The following CUEDC2 variants were observed in gnomAD, a reference collection of about 807,000 sequenced individuals.
The protein encoded by CUEDC2 is CUE domain-containing protein 2.
Under a neutral mutation model 36.0 loss-of-function variants are expected in CUEDC2, and 10 were observed. That is an observed-to-expected ratio of 0.28 (90% CI 0.17 to 0.47). The LOEUF (loss-of-function observed/expected upper bound fraction) is 0.47. Ranked by LOEUF, CUEDC2 falls within the 20% of genes least tolerant of loss-of-function variation. CUEDC2 has a pLI of 0.99. For missense variants in CUEDC2, 269 were observed against 368.1 expected (o/e 0.73, Z 2.20); for synonymous variants, 133 against 141.8 (o/e 0.94, Z 0.44).
At chr10:102,432,117 A>T (rs1203060564) in intron 1 of CUEDC2, among the ~76,000 whole-genome samples, 1 of 152,174 alleles carries the variant, frequency 6.6e-6, no homozygotes, top group African/African-American at 2.4e-5. Flanking sequence ...TTGTCCTCTG[A>T]TACCCAAGTC....
At position 102,424,074 on chromosome 10, in the gene CUEDC2, C is replaced by T; in HGVS notation, c.516G>A (p.Arg172=). 1 of 1,614,162 alleles carries T rather than the reference C, an allele frequency of 6.2e-7. No individual in the cohort carries two copies. Residue 172 remains arginine, a synonymous_variant, in exon 6 of 9, where the codon CGG becomes CGA. Coordinates refer to ENST00000369937, the MANE Select transcript of CUEDC2 (RefSeq NM_024040.3). This position sits in a 1 kb window ranked among gnomAD's most constrained non-coding sequence, Gnocchi z 4.2. ...EQAQWVLAKA[R]GDLEEAVQML... ...TCTGCACAGCTTCTTCCAAGTCCCC[C>T]CGAGCTTTGGCCAGCACCCACTGGG...
In CUEDC2 at chr10:102,423,879, G is replaced by T. The variant is rs746980427; in HGVS notation, c.595-20C>A. On this transcript the variant is annotated intron_variant, in intron 6 of 8. Transcript: ENST00000369937. This position sits in a 1 kb window ranked among gnomAD's most constrained non-coding sequence, Gnocchi z 5.6. ...CAGGTCCTGCAGAGAGGGGAGGCCTGGTCTAGGCCCAAGGGCACCAGCAGG... is the reference window on the plus strand; with the variant it reads ...CAGGTCCTGCAGAGAGGGGAGGCCTTGTCTAGGCCCAAGGGCACCAGCAGG... 8 of 1,608,870 alleles carry T rather than the reference G, an allele frequency of 5.0e-6. No homozygotes were observed. Among genetic ancestry groups the T allele is most frequent in the Non-Finnish European group, 6.8e-6 (8 of 1,177,650 alleles).
rs772046834 is a variant in CUEDC2, at chr10:102,423,745, C to G, written c.657-28G>C. 1 of 1,614,122 alleles carries G rather than the reference C, an allele frequency of 6.2e-7. No homozygotes were observed. Among genetic ancestry groups the G allele is most frequent in the Non-Finnish European group, 8.5e-7 (1 of 1,179,982 alleles). On this transcript the variant is annotated intron_variant, in intron 7 of 8. Coordinates refer to ENST00000369937, the MANE Select transcript of CUEDC2 (RefSeq NM_024040.3). This position sits in a 1 kb window ranked among gnomAD's most constrained non-coding sequence, Gnocchi z 5.6. ...GTCAAAAACTGGCTGGGTGAAGCTC[C>G]TGTCACCCTGGGAAGACCCTCTAGG...
intron 1 of CUEDC2, among the ~76,000 whole-genome samples, chr10:102,426,594 C>A (rs2061597465): frequency 6.6e-6 from 1 of 152,104 alleles, no homozygotes; most frequent in Admixed American, 6.6e-5. Flanking sequence ...TCTCCCTATC[C>A]TGAGTCTGGC....
At chr10:102,430,581 A>G (rs1052376841) in intron 1 of CUEDC2, among the ~76,000 whole-genome samples, 3 of 152,212 alleles carry the variant, frequency 2.0e-5, no homozygotes, top group African/African-American at 7.2e-5. Flanking sequence ...ACTGTCCCCA[A>G]ATAAAAAGAC....
intron 1 of CUEDC2, among the ~76,000 whole-genome samples, chr10:102,426,290 T>C (rs566587858): frequency 6.6e-6 from 1 of 152,158 alleles, no homozygotes; most frequent in Non-Finnish European, 1.5e-5. Flanking sequence ...CAGGAGCATA[T>C]GGGTGGTAAT....
At position 102,424,618 on chromosome 10, in the gene CUEDC2, C is replaced by A. The variant is rs998159680; in HGVS notation, c.218+31G>T. ...TGCCCACCCCATAATCAGCCAGCCC[C>A]TTCCTCCTCCTGGCCCTAGCCAGAA... On this transcript the variant is annotated intron_variant, in intron 3 of 8. Transcript: ENST00000369937. This position sits in a 1 kb window ranked among gnomAD's most constrained non-coding sequence, Gnocchi z 4.2. 4 of 1,614,220 alleles carry A rather than the reference C, an allele frequency of 2.5e-6. No individual in the cohort carries two copies. Among genetic ancestry groups the A allele is most frequent in the Non-Finnish European group, 3.4e-6 (4 of 1,180,016 alleles).
At position 102,424,943 on chromosome 10, in the gene CUEDC2, C is replaced by G; in HGVS notation, c.75-151G>C. The G allele has an allele frequency of 2.0e-6, 2 of 1,018,096 alleles. No individual in the cohort carries two copies. The highest frequency in any genetic ancestry group is 2.9e-6 in the Non-Finnish European group (2 of 694,004). The allele number at this position is 1,018,096 out of a possible 1,614,324, so 63.1% of individuals were successfully genotyped here. ...GAGAGTATAACCCCCTCCCTCAGAGCTATGGTTTCCCATCTGCCCAACAAA... is the reference window on the plus strand; with the variant it reads ...GAGAGTATAACCCCCTCCCTCAGAGGTATGGTTTCCCATCTGCCCAACAAA... On this transcript the variant is annotated intron_variant, in intron 2 of 8. Transcript: ENST00000369937. This position sits in a 1 kb window ranked among gnomAD's most constrained non-coding sequence, Gnocchi z 4.2.
At chr10:102,427,829 T>C (rs1016303755) in intron 1 of CUEDC2, among the ~76,000 whole-genome samples, 5 of 152,358 alleles carry the variant, frequency 3.3e-5, no homozygotes, top group Middle Eastern at 3.4e-3. Context: ...AATCTTTTCA[T>C]GGCTTTCCAT....
Position 102,423,731 on chromosome 10 carries a change from G to A in CUEDC2, c.657-14C>T. On this transcript the variant is annotated splice_polypyrimidine_tract_variant and intron_variant, in intron 7 of 8. Transcript: ENST00000369937. The surrounding 1 kb of genome is among the most constrained non-coding windows in gnomAD (Gnocchi z 5.6). ...ACCATCATGTACCTGTCAAAAACTG[G>A]CTGGGTGAAGCTCCTGTCACCCTGG... 6.2e-7 allele frequency: 1 copy of A among 1,614,136 alleles called. No homozygotes were observed. Among genetic ancestry groups the A allele is most frequent in the Non-Finnish European group, 8.5e-7 (1 of 1,180,006 alleles).
chr10:102,431,164 G>T (rs1486779404), intron 1 of CUEDC2, among the ~76,000 whole-genome samples: 1 of 152,118 alleles, frequency 6.6e-6, no homozygotes, highest in Non-Finnish European at 1.5e-5. Flanking sequence ...TTTTGAGACG[G>T]AGTCTCGCTC....
intron 1 of CUEDC2, among the ~76,000 whole-genome samples, chr10:102,428,700 A>T (rs1332831824): frequency 3.9e-5 from 6 of 152,058 alleles, no homozygotes; most frequent in African/African-American, 1.4e-4. Context: ...CCTCGGCAAC[A>T]TATCAAGACC....
At chr10:102,431,407 G>A (rs886822297) in intron 1 of CUEDC2, among the ~76,000 whole-genome samples, 9 of 152,178 alleles carry the variant, frequency 5.9e-5, no homozygotes, top group Non-Finnish European at 1.2e-4. Flanking sequence ...GTCTCCCAAA[G>A]TGCTGGGATT....
Position 102,424,974 on chromosome 10 carries a change from C to A in CUEDC2, c.74+141G>T. 1 of 942,574 alleles carries A rather than the reference C, an allele frequency of 1.1e-6. No homozygotes were observed. 58.4% of individuals were successfully genotyped at this position (942,574 alleles called of 1,614,324 possible). Reference sequence around the variant, plus strand: ...TTTCCCATCTGCCCAACAAAGGTGACAGGGACAGGATGAGAGGTAAGGCCT... The same window carrying A: ...TTTCCCATCTGCCCAACAAAGGTGAAAGGGACAGGATGAGAGGTAAGGCCT... On this transcript the variant is annotated intron_variant, in intron 2 of 8. Transcript: ENST00000369937. The surrounding 1 kb of genome is among the most constrained non-coding windows in gnomAD (Gnocchi z 4.2).
chr10:102,429,252 G>A (rs1017942942), intron 1 of CUEDC2, among the ~76,000 whole-genome samples: 9 of 151,890 alleles, frequency 5.9e-5, no homozygotes, highest in Non-Finnish European at 8.8e-5. Flanking sequence ...ACTAAACACC[G>A]GGCTGACATT....
rs768759478 is a variant in CUEDC2 at position 102,424,212 on chromosome 10, C to T, written c.412-34G>A. 5 of 1,610,558 alleles carry T rather than the reference C, an allele frequency of 3.1e-6. No individual in the cohort carries two copies. The highest frequency in any genetic ancestry group is 3.4e-6 in the Non-Finnish European group (4 of 1,177,900). On this transcript the variant is annotated intron_variant, in intron 5 of 8. Transcript: ENST00000369937. The surrounding 1 kb of genome is among the most constrained non-coding windows in gnomAD (Gnocchi z 4.2). ...ACAAACGTTAACAAGAGGCAATACTCCCCCCTTTCCAGCCCCCTGGGTCCC... is the reference window on the plus strand; with the variant it reads ...ACAAACGTTAACAAGAGGCAATACTTCCCCCTTTCCAGCCCCCTGGGTCCC...
rs1349503864 is a variant in CUEDC2 at position 102,423,819 on chromosome 10, A to C, written c.635T>G (p.Leu212Arg). ...TCACTTCTGCAGGATGAAGGACTTC[A>C]GCTCATCCTTTTGGGGGCCTCTGAG... ...RRLRGPQKDE[L>R]KSFILQKYMM... The change falls in exon 7 of 9, where the codon CTG (leucine) becomes CGG (arginine). Residue 212 changes from leucine to arginine, a missense_variant. By Grantham distance (102) the Leu-to-Arg change is moderately radical (BLOSUM62 -2). Coordinates refer to ENST00000369937, the MANE Select transcript of CUEDC2 (RefSeq NM_024040.3). The surrounding 1 kb of genome is among the most constrained non-coding windows in gnomAD (Gnocchi z 5.6). The C allele has an allele frequency of 1.9e-6, 3 of 1,613,812 alleles. No homozygotes were observed. Among genetic ancestry groups the C allele is most frequent in the Non-Finnish European group, 2.5e-6 (3 of 1,179,958 alleles).
intron 1 of CUEDC2, among the ~76,000 whole-genome samples, chr10:102,430,979 A>G (rs1055339799): frequency 2.0e-5 from 3 of 152,226 alleles, no homozygotes; most frequent in Admixed American, 6.5e-5. Context: ...TCCTGTCATG[A>G]GTCCTGCCTA....
At chr10:102,425,948 G>C (rs1024237081) in intron 1 of CUEDC2, among the ~76,000 whole-genome samples, 1 of 152,076 alleles carries the variant, frequency 6.6e-6, no homozygotes, top group Non-Finnish European at 1.5e-5. Flanking sequence ...GGCTCGTCCA[G>C]TCACTCCTCA....
Sources: gnomAD v4.1 joint callset for allele counts (sites outside exome capture counted in the v4.1 genomes callset) on GRCh38, gnomAD v4.1.1 for gene constraint, Gnocchi (gnomAD v3.1) non-coding constraint, MANE v1.5 for transcripts, NCBI Gene and HGNC (gene_info 2026-07-23, HGNC 2026-07-21) for gene names.